TTLL5: variants seen among roughly 807,000 people sequenced by gnomAD.
TTLL5 encodes the protein tubulin polyglutamylase TTLL5.
TTLL5 carries 132 observed loss-of-function variants against 168.4 expected under a neutral mutation model. The observed-to-expected ratio is 0.78, with a 90% CI of 0.68 to 0.91. The LOEUF is 0.91. Among genes scored for constraint, TTLL5 ranks in the 40% least tolerant of loss-of-function variants. The probability of loss-of-function intolerance (pLI) is 0.00; values close to 1 mark genes in which losing one functional copy is unlikely to be tolerated. For missense variants in TTLL5, 1,545 were observed against 1,581.5 expected (o/e 0.98, Z 0.39); for synonymous variants, 546 against 558.6 (o/e 0.98, Z 0.32).
chr14:75,770,222 A>G (rs780707363), intron 20 of TTLL5, among the ~76,000 whole-genome samples: 1 of 150,740 alleles, frequency 6.6e-6, no homozygotes, highest in Non-Finnish European at 1.5e-5. Context: ...TATTATTTCA[A>G]AACCATATTA....
chr14:75,770,664 A>G (rs1891249727), intron 20 of TTLL5, among the ~76,000 whole-genome samples: 1 of 152,168 alleles, frequency 6.6e-6, no homozygotes, highest in East Asian at 1.9e-4. Context: ...TGTCTTCCAA[A>G]CTATAGCTTG....
At chr14:75,946,928 T>A (rs1040877605) in intron 31 of TTLL5, among the ~76,000 whole-genome samples, 5 of 152,032 alleles carry the variant, frequency 3.3e-5, no homozygotes, top group Admixed American at 2.6e-4. Context: ...GAGGGAGGGA[T>A]GTGGCTGCTG....
chr14:75,675,647 G>A (rs1884084777), intron 3 of TTLL5, among the ~76,000 whole-genome samples: 1 of 152,186 alleles, frequency 6.6e-6, no homozygotes, highest in Non-Finnish European at 1.5e-5. Context: ...AAGAAAACAT[G>A]GGATGAGGTG....
At position 75,804,042 on chromosome 14, in the gene TTLL5, C is replaced by T. The variant is rs112569213; in HGVS notation, c.3171+10942C>T. Among the ~76,000 whole-genome samples, 763 of 152,248 alleles carry T rather than the reference C, an allele frequency of 5.0e-3. 4 individuals carry two copies. Among genetic ancestry groups the T allele is most frequent in the Middle Eastern group, 0.01 (3 of 294 alleles). On this transcript the variant is annotated intron_variant, in intron 27 of 31. Coordinates refer to ENST00000298832, the MANE Select transcript of TTLL5 (RefSeq NM_015072.5). The stretch of plus-strand genomic sequence containing the variant: ...ACCCAGGCGGGGGCTCCAGTGTGAA[C>T]GAATGTGCTGTGTCAGTCTCTGCTC...
chr14:75,664,920 A>C (rs1883140143), intron 2 of TTLL5, among the ~76,000 whole-genome samples: 1 of 152,192 alleles, frequency 6.6e-6, no homozygotes, highest in South Asian at 2.1e-4. Context: ...ACTATATGAA[A>C]CTGCCATTTT....
intron 28 of TTLL5, among the ~76,000 whole-genome samples, chr14:75,849,679 A>G (rs997137100): frequency 1.3e-5 from 2 of 152,242 alleles, no homozygotes; most frequent in African/African-American, 4.8e-5. Flanking sequence ...CCTTCAAGGT[A>G]GAATTACTTT....
chr14:75,711,864 TGAAA>T (rs1012301005), intron 9 of TTLL5: 3 of 152,312 alleles, frequency 2.0e-5, no homozygotes, highest in Admixed American at 2.0e-4. Context: ...CCTGTGGTTT[TGAAA>T]GAATTCAGGT....
intron 21 of TTLL5, among the ~76,000 whole-genome samples, 197 bp from the exon 22 acceptor site, chr14:75,775,287 G>A (rs777310394): frequency 6.6e-6 from 1 of 152,028 alleles, no homozygotes; most frequent in Non-Finnish European, 1.5e-5. Flanking sequence ...ATTGAGGGAA[G>A]GGAATAAGTT....
At chr14:75,730,782 C>G (rs1374134214) in intron 12 of TTLL5, among the ~76,000 whole-genome samples, 1 of 151,568 alleles carries the variant, frequency 6.6e-6, no homozygotes, top group Non-Finnish European at 1.5e-5. Context: ...TGCAGTGGTG[C>G]GGTCTCAGCT....
chr14:75,713,144 C>T (rs1887209275), intron 9 of TTLL5, among the ~76,000 whole-genome samples: 1 of 152,210 alleles, frequency 6.6e-6, no homozygotes, highest in African/African-American at 2.4e-5. Flanking sequence ...GTCATGTAGT[C>T]ATGTGCTTTA....
chr14:75,851,858 T>C (rs1244498018), intron 28 of TTLL5, among the ~76,000 whole-genome samples: 1 of 152,228 alleles, frequency 6.6e-6, no homozygotes, highest in East Asian at 1.9e-4. Context: ...AGTATACTTC[T>C]TCTTTCTCAG....
At chr14:75,775,369 A>C in intron 21 of TTLL5, 115 bp from the exon 22 acceptor site, 1 of 1,190,406 alleles carries the variant, frequency 8.4e-7, no homozygotes, top group Non-Finnish European at 1.2e-6. Flanking sequence ...TTGTTTGTTG[A>C]AATGTGTAAT....
At chr14:75,862,283 C>T (rs1032160590) in intron 28 of TTLL5, among the ~76,000 whole-genome samples, 1 of 152,162 alleles carries the variant, frequency 6.6e-6, no homozygotes, top group Non-Finnish European at 1.5e-5. Context: ...TTGTACAATG[C>T]TGCTATGAAC....
chr14:75,851,128 T>C (rs1407722062), intron 28 of TTLL5, among the ~76,000 whole-genome samples: 1 of 140,738 alleles, frequency 7.1e-6, no homozygotes, highest in African/African-American at 2.6e-5. Context: ...GTTAATGGAA[T>C]AAGAACTGCC....
At position 75,774,431 on chromosome 14, in the gene TTLL5, A is replaced by G. The variant is rs572489107; in HGVS notation, c.2137-1053A>G. On this transcript the variant is annotated intron_variant, in intron 21 of 31. Coordinates refer to ENST00000298832, the MANE Select transcript of TTLL5 (RefSeq NM_015072.5). ...CTATTACCTTTCAAACTACTGTGAT[A>G]GTTCTTTCTTTGCCTTAATCACGAC... Among the ~76,000 whole-genome samples the G allele has an allele frequency of 2.0e-5, 3 of 152,310 alleles. No homozygotes were observed. The South Asian group carries it at 6.2e-4, about 32-fold the overall frequency.
intron 27 of TTLL5, among the ~76,000 whole-genome samples, chr14:75,812,787 G>A (rs1894130830): frequency 1.3e-5 from 2 of 152,148 alleles, no homozygotes; most frequent in African/African-American, 4.8e-5. Flanking sequence ...CTGGTAACAA[G>A]TGCTTCTCAA....
chr14:75,873,629 A>G (rs1223826516), intron 29 of TTLL5, among the ~76,000 whole-genome samples: 1 of 152,116 alleles, frequency 6.6e-6, no homozygotes, highest in Non-Finnish European at 1.5e-5. Context: ...GTGTATACAC[A>G]TATACATACC....
intron 28 of TTLL5, among the ~76,000 whole-genome samples, chr14:75,826,293 G>T (rs974166344): frequency 9.2e-6 from 1 of 108,890 alleles, no homozygotes; most frequent in Admixed American, 8.6e-5. Context: ...CTTAGGATAC[G>T]CGTACACACA....
At chr14:75,662,500 A>ATTTT (rs541035818) in intron 1 of TTLL5, among the ~76,000 whole-genome samples, 2 of 133,514 alleles carry the variant, frequency 1.5e-5, no homozygotes, top group African/African-American at 2.8e-5. Flanking sequence ...AATTTTTTGT[A>ATTTT]TTTTTTTTTT....
Sources: gnomAD v4.1 joint callset for allele counts (sites outside exome capture counted in the v4.1 genomes callset) on GRCh38, gnomAD v4.1.1 for gene constraint, MANE v1.5 for transcripts, NCBI Gene and HGNC (gene_info 2026-07-23, HGNC 2026-07-21) for gene names.